RUNDC3B: variants seen among roughly 807,000 people sequenced by gnomAD.
RUNDC3B encodes the protein RUN domain-containing protein 3B.
A neutral mutation model predicts 58.4 loss-of-function variants in RUNDC3B; 33 were observed. That is an observed-to-expected ratio of 0.56 (90% confidence interval 0.43 to 0.75). The LOEUF (loss-of-function observed/expected upper bound fraction) is 0.75. Ranked by LOEUF, RUNDC3B falls within the 30% of genes least tolerant of loss-of-function variation. The probability of loss-of-function intolerance (pLI) is 0.00; values close to 1 mark genes in which losing one functional copy is unlikely to be tolerated. For synonymous variants in RUNDC3B, 193 were observed against 195.2 expected, an observed-to-expected ratio of 0.99 and a Z score of 0.10; for missense variants, 501 against 535.7, an observed-to-expected ratio of 0.94 and a Z score of 0.64.
chr7:87,712,042 C>G (rs1164535078), intron 4 of RUNDC3B, among the ~76,000 whole-genome samples: 3 of 152,120 alleles, frequency 2.0e-5, no homozygotes, highest in Admixed American at 1.3e-4. Flanking sequence ...ATTCTTTCAA[C>G]TAACTAGCTG....
intron 2 of RUNDC3B, among the ~76,000 whole-genome samples, chr7:87,691,148 C>T (rs998768642): frequency 3.9e-5 from 6 of 152,012 alleles, no homozygotes; most frequent in African/African-American, 1.4e-4. Flanking sequence ...TCAGTCTTAT[C>T]AAGGAAAATT....
chr7:87,664,883 C>T (rs1033505344), intron 2 of RUNDC3B, among the ~76,000 whole-genome samples: 3 of 152,106 alleles, frequency 2.0e-5, no homozygotes, highest in East Asian at 3.9e-4. Flanking sequence ...CTTAGCAAAG[C>T]ATTTCACAAA....
intron 2 of RUNDC3B, among the ~76,000 whole-genome samples, chr7:87,652,556 G>A (rs1054036372): frequency 6.7e-6 from 1 of 150,360 alleles, no homozygotes; most frequent in African/African-American, 2.5e-5. Context: ...AGTACGAATT[G>A]TGTTAATTTT....
intron 6 of RUNDC3B, among the ~76,000 whole-genome samples, chr7:87,758,335 A>AAAAC (rs986004566): frequency 4.6e-5 from 7 of 152,130 alleles, no homozygotes; most frequent in African/African-American, 1.7e-4. Context: ...AAAACAAAAG[A>AAAAC]AAACAAACAA....
chr7:87,657,654 A>T (rs769574444), intron 2 of RUNDC3B, among the ~76,000 whole-genome samples: 1 of 152,068 alleles, frequency 6.6e-6, no homozygotes, highest in African/African-American at 2.4e-5. Flanking sequence ...ATCCAAAAGT[A>T]ATGTGCTGGT....
intron 4 of RUNDC3B, among the ~76,000 whole-genome samples, chr7:87,736,867 ATATATATATATATATATATATATTTT>A (rs1831975839): frequency 2.8e-5 from 1 of 35,512 alleles, no homozygotes; most frequent in African/African-American, 1.1e-4. Context: ...ATATATATAT[ATATATATATATATATATATATATTTT>A]TTTTTTTTTT....
intron 4 of RUNDC3B, among the ~76,000 whole-genome samples, chr7:87,727,796 A>G (rs1831328100): frequency 6.6e-6 from 1 of 152,204 alleles, no homozygotes; most frequent in Non-Finnish European, 1.5e-5. Flanking sequence ...TGAGTATGAC[A>G]CATGAGCTCT....
chr7:87,658,642 A>G (rs1050524171), intron 2 of RUNDC3B, among the ~76,000 whole-genome samples: 1 of 152,214 alleles, frequency 6.6e-6, no homozygotes. Context: ...GAGAAAAATG[A>G]CAACTTGCCT....
intron 8 of RUNDC3B, among the ~76,000 whole-genome samples, chr7:87,786,759 T>C (rs1297498680): frequency 6.6e-6 from 1 of 152,138 alleles, no homozygotes; most frequent in Non-Finnish European, 1.5e-5. Context: ...TATCTTACTT[T>C]GGATAATTGA....
chr7:87,794,473 G>A (rs1018079891), intron 8 of RUNDC3B, among the ~76,000 whole-genome samples: 1 of 151,878 alleles, frequency 6.6e-6, no homozygotes, highest in Non-Finnish European at 1.5e-5. Flanking sequence ...AAACACTAAT[G>A]AAAGAAATTG....
At chr7:87,713,912 A>G (rs1830312100) in intron 4 of RUNDC3B, among the ~76,000 whole-genome samples, 1 of 152,194 alleles carries the variant, frequency 6.6e-6, no homozygotes, top group Non-Finnish European at 1.5e-5. Flanking sequence ...TTACTTTGCA[A>G]TTATATCAGT....
At chr7:87,665,438 GAC>G (rs2130479582) in intron 2 of RUNDC3B, among the ~76,000 whole-genome samples, 1 of 152,180 alleles carries the variant, frequency 6.6e-6, no homozygotes, top group South Asian at 2.1e-4. Context: ...AATTGTAGAA[GAC>G]ACAAATAAAT....
At chr7:87,699,131 A>C (rs545763142) in intron 2 of RUNDC3B, among the ~76,000 whole-genome samples, 2 of 152,256 alleles carry the variant, frequency 1.3e-5, no homozygotes, top group South Asian at 4.2e-4. Flanking sequence ...ATTGGTCCTA[A>C]AATGGTGCTT....
intron 1 of RUNDC3B, among the ~76,000 whole-genome samples, chr7:87,633,941 T>C (rs1262706783): frequency 2.0e-5 from 3 of 152,212 alleles, no homozygotes; most frequent in Admixed American, 2.0e-4. Context: ...CTGTAGGTTG[T>C]ACAAAAACCG....
chr7:87,650,660 T>A (rs966086320), intron 1 of RUNDC3B, among the ~76,000 whole-genome samples, 162 bp from the exon 2 acceptor site: 1 of 152,116 alleles, frequency 6.6e-6, no homozygotes, highest in Non-Finnish European at 1.5e-5. Context: ...TCTGTAAAAA[T>A]TTCCATTTAC....
At chr7:87,717,636 A>G (rs1447245227) in intron 4 of RUNDC3B, among the ~76,000 whole-genome samples, 1 of 152,060 alleles carries the variant, frequency 6.6e-6, no homozygotes, top group African/African-American at 2.4e-5. Flanking sequence ...GCCCTACTAT[A>G]TGTAAAAAAT....
intron 2 of RUNDC3B, among the ~76,000 whole-genome samples, chr7:87,674,713 GC>G (rs1256878307): frequency 6.6e-6 from 1 of 152,096 alleles, no homozygotes; most frequent in African/African-American, 2.4e-5. Context: ...GCATGATAGG[GC>G]CCCCAGGAAG....
intron 2 of RUNDC3B, among the ~76,000 whole-genome samples, chr7:87,664,191 T>C (rs1300448331): frequency 6.6e-6 from 1 of 152,096 alleles, no homozygotes; most frequent in African/African-American, 2.4e-5. Flanking sequence ...CCAGGCATGG[T>C]GGCACACTTC....
chr7:87,691,489 A>G (rs1563137333), intron 2 of RUNDC3B, among the ~76,000 whole-genome samples: 1 of 152,144 alleles, frequency 6.6e-6, no homozygotes, highest in Non-Finnish European at 1.5e-5. Flanking sequence ...TCTAAGCTAC[A>G]TAGTGTTAAA....
Sources: allele counts gnomAD v4.1 joint callset (sites outside exome capture counted in the v4.1 genomes callset), GRCh38; gene constraint gnomAD v4.1.1; transcripts MANE v1.5; gene names NCBI Gene and HGNC (gene_info 2026-07-23, HGNC 2026-07-21).